Variants in COL5A2 observed in about 807,000 individuals in gnomAD.
COL5A2 encodes collagen type V alpha 2 chain.
Under a neutral mutation model 208.2 loss-of-function variants are expected in COL5A2, and 23 were observed. The observed-to-expected ratio is 0.11, with a 90% CI of 0.08 to 0.16. COL5A2 has a LOEUF of 0.16. COL5A2 is among the 10% of genes least tolerant of loss of function. The pLI is 1.00. For synonymous variants in COL5A2, 625 were observed against 628.5 expected, an observed-to-expected ratio of 0.99 and a Z score of 0.08; for missense variants, 1,590 against 1,956.4, an observed-to-expected ratio of 0.81 and a Z score of 3.53.
rs549155025 is a variant in COL5A2, at chr2:189,169,775, G to A, written c.97+9733C>T. On this transcript the variant is annotated intron_variant, in intron 1 of 53. Coordinates refer to ENST00000374866, the MANE Select transcript of COL5A2 (RefSeq NM_000393.5). Reference sequence around the variant, plus strand: ...TGCCCAGGCTGGAGCGCAATGGCGCGATCTCAGCTCACTGCAACCTCGCCT... The same window carrying A: ...TGCCCAGGCTGGAGCGCAATGGCGCAATCTCAGCTCACTGCAACCTCGCCT... 7.9e-5 allele frequency among the ~76,000 whole-genome samples: 12 copies of A among 152,272 alleles called. No homozygotes were observed. The East Asian group carries it at 1.7e-3, about 22-fold the overall frequency.
chr2:189,301,342 C>T, the COL5A2 span, among the ~76,000 whole-genome samples: 3,667 of 152,278 alleles, frequency 0.024, 159 homozygotes, highest in African/African-American at 0.084. Flanking sequence ...ACCCAATTCA[C>T]TTAAACCACT....
At chr2:189,243,478 A>G in the COL5A2 span, among the ~76,000 whole-genome samples, 8 of 152,200 alleles carry the variant, frequency 5.3e-5, no homozygotes, top group Non-Finnish European at 7.3e-5. Flanking sequence ...TCCCATTTTT[A>G]AAATCATCAG....
chr2:189,256,561 T>C, the COL5A2 span, among the ~76,000 whole-genome samples: 1 of 152,222 alleles, frequency 6.6e-6, no homozygotes, highest in Non-Finnish European at 1.5e-5. Flanking sequence ...CACAGCTGAC[T>C]ATAACTGGGT....
chr2:189,251,147 T>A, the COL5A2 span, among the ~76,000 whole-genome samples: 3 of 152,120 alleles, frequency 2.0e-5, no homozygotes, highest in African/African-American at 7.2e-5. Flanking sequence ...CAATAAAAAA[T>A]TTTTAAATAT....
the COL5A2 span, among the ~76,000 whole-genome samples, chr2:189,245,578 G>A: frequency 8.0e-5 from 12 of 150,680 alleles, no homozygotes; most frequent in South Asian, 4.2e-4. Flanking sequence ...TCCGCCTCCC[G>A]GGTTCACGCC....
intron 1 of COL5A2, among the ~76,000 whole-genome samples, chr2:189,221,357 T>C (rs1315129608): frequency 6.6e-6 from 1 of 152,124 alleles, no homozygotes; most frequent in African/African-American, 2.4e-5. Flanking sequence ...TTATTCTAAT[T>C]CTTTTTGGAA....
At chr2:189,311,163 C>T in the COL5A2 span, 5 of 689,706 alleles carry the variant, frequency 7.2e-6, no homozygotes, top group Non-Finnish European at 1.0e-5. Context: ...CAGCACTGCA[C>T]AGCCACTTTA....
the COL5A2 span, among the ~76,000 whole-genome samples, chr2:189,296,514 C>T: frequency 6.6e-6 from 1 of 152,150 alleles, no homozygotes; most frequent in Non-Finnish European, 1.5e-5. Flanking sequence ...TAGATTGTAA[C>T]CAGCTATTAC....
intron 1 of COL5A2, among the ~76,000 whole-genome samples, chr2:189,154,910 G>C (rs775849876): frequency 3.9e-5 from 6 of 152,108 alleles, no homozygotes; most frequent in Non-Finnish European, 5.9e-5. Context: ...ACGAATGAAT[G>C]AATAAATTAG....
intron 38 of COL5A2, among the ~76,000 whole-genome samples, 162 bp downstream of exon 38, chr2:189,053,262 G>GT (rs1255696223): frequency 6.6e-6 from 1 of 152,036 alleles, no homozygotes; most frequent in Non-Finnish European, 1.5e-5. Context: ...GCACAAACAA[G>GT]TTTTGTGCCA....
At chr2:189,083,780 T>G (rs1268934972) in intron 12 of COL5A2, among the ~76,000 whole-genome samples, 1 of 152,170 alleles carries the variant, frequency 6.6e-6, no homozygotes, top group Non-Finnish European at 1.5e-5. Context: ...GAAGGCTTAT[T>G]TATGGTGCCA....
chr2:189,384,330 T>C, the COL5A2 span, among the ~76,000 whole-genome samples: 7 of 152,126 alleles, frequency 4.6e-5, no homozygotes, highest in South Asian at 8.3e-4. Context: ...GAAACCTCCA[T>C]ACTATTTTCT....
At chr2:189,136,813 C>A (rs1305370516) in intron 1 of COL5A2, among the ~76,000 whole-genome samples, 1 of 152,038 alleles carries the variant, frequency 6.6e-6, no homozygotes, top group Non-Finnish European at 1.5e-5. Flanking sequence ...TTTCTTGCCA[C>A]AAGTACATTG....
rs188258464 is a variant in COL5A2 at position 189,109,207 on chromosome 2, C to A, written c.322+1018G>T. Among the ~76,000 whole-genome samples the A allele has an allele frequency of 2.2e-3, 328 of 151,962 alleles. 1 individual carries two copies. The highest frequency in any genetic ancestry group is 6.7e-3 in the African/African-American group (279 of 41,486). ...TTGTTCCCATTTGCTATTCACTTAT[C>A]CCCACGGATTTAATTTTACTTTATT... On this transcript the variant is annotated intron_variant, in intron 2 of 53. Coordinates refer to ENST00000374866, the MANE Select transcript of COL5A2 (RefSeq NM_000393.5).
the COL5A2 span, among the ~76,000 whole-genome samples, chr2:189,410,499 G>A: frequency 6.6e-6 from 1 of 152,046 alleles, no homozygotes; most frequent in Admixed American, 6.6e-5. Context: ...CCAGGAGTTC[G>A]AGGCTGCAAT....
intron 3 of COL5A2, among the ~76,000 whole-genome samples, chr2:189,101,845 A>G (rs920726659): frequency 2.6e-5 from 4 of 152,070 alleles, no homozygotes; most frequent in African/African-American, 9.7e-5. Flanking sequence ...TTCAAGATTG[A>G]AACACTAGGG....
chr2:189,304,603 T>C, the COL5A2 span, among the ~76,000 whole-genome samples: 1 of 152,090 alleles, frequency 6.6e-6, no homozygotes, highest in Non-Finnish European at 1.5e-5. Context: ...TCATGAGAAC[T>C]CACTCACTGT....
chr2:189,342,197 C>CGTTT, the COL5A2 span, among the ~76,000 whole-genome samples: 13 of 135,546 alleles, frequency 9.6e-5, no homozygotes, highest in African/African-American at 3.5e-4. Flanking sequence ...CTAGTGTGCT[C>CGTTT]TTTTTTTTTT....
At chr2:189,249,587 A>C in the COL5A2 span, among the ~76,000 whole-genome samples, 1 of 152,350 alleles carries the variant, frequency 6.6e-6, no homozygotes, top group Admixed American at 6.5e-5. Context: ...TGATTGAGTA[A>C]TCCTGCTTAA....
Sources: allele counts gnomAD v4.1 joint callset (sites outside exome capture counted in the v4.1 genomes callset), GRCh38; gene constraint gnomAD v4.1.1; transcripts MANE v1.5; gene names NCBI Gene and HGNC (gene_info 2026-07-23, HGNC 2026-07-21).